SGCD: variants seen among roughly 807,000 people sequenced by gnomAD.
SGCD encodes the protein delta-sarcoglycan.
Under a neutral mutation model 36.6 loss-of-function variants are expected in SGCD, and 18 were observed. The ratio of observed to expected loss-of-function variants is 0.49; its 90% CI spans 0.34 to 0.73. The LOEUF (loss-of-function observed/expected upper bound fraction) is 0.73, where lower values mean the gene tolerates loss of function less well. Ranked by LOEUF, SGCD falls within the 30% of genes least tolerant of loss-of-function variation. SGCD has a pLI of 0.01. For missense variants in SGCD, 387 were observed against 346.7 expected (o/e 1.12, Z -0.92); for synonymous variants, 133 against 130.6 (o/e 1.02, Z -0.12).
intron 1 of SGCD, among the ~76,000 whole-genome samples, chr5:155,962,077 A>G (rs1363036757): frequency 4.6e-5 from 7 of 152,214 alleles, no homozygotes; most frequent in African/African-American, 1.4e-4. Flanking sequence ...TAAATTCCCT[A>G]TATTACAGAT....
chr5:155,820,420 G>C, the SGCD span, among the ~76,000 whole-genome samples: 1 of 152,090 alleles, frequency 6.6e-6, no homozygotes, highest in Admixed American at 6.5e-5. Flanking sequence ...AGCACTTTGG[G>C]AGGCCAAGAG....
chr5:156,474,775 C>G (rs1420166388), intron 3 of SGCD, among the ~76,000 whole-genome samples: 2 of 152,126 alleles, frequency 1.3e-5, no homozygotes, highest in Non-Finnish European at 2.9e-5. Flanking sequence ...CAGTGAGTGC[C>G]AGAGTTAGTT....
chr5:155,973,157 G>A (rs1758040871), intron 1 of SGCD, among the ~76,000 whole-genome samples: 1 of 152,104 alleles, frequency 6.6e-6, no homozygotes, highest in Non-Finnish European at 1.5e-5. Context: ...CCACTCTGAG[G>A]GGAACTTTGC....
chr5:156,543,780 A>G (rs182483951), intron 4 of SGCD, among the ~76,000 whole-genome samples: 2 of 152,362 alleles, frequency 1.3e-5, no homozygotes, highest in East Asian at 3.9e-4. Context: ...CAGAAACCAC[A>G]TTTATGGCTC....
chr5:156,233,141 TA>T (rs1765063812), intron 3 of SGCD, among the ~76,000 whole-genome samples: 1 of 152,244 alleles, frequency 6.6e-6, no homozygotes, highest in Non-Finnish European at 1.5e-5. Flanking sequence ...AGAGCCATGA[TA>T]AAATTTGTAG....
At chr5:156,623,785 G>A (rs1762342927) in intron 6 of SGCD, among the ~76,000 whole-genome samples, 1 of 152,162 alleles carries the variant, frequency 6.6e-6, no homozygotes, top group South Asian at 2.1e-4. Flanking sequence ...GCTGTTAAAT[G>A]CATCTCAGCT....
At chr5:155,991,888 T>C (rs1031191830) in intron 1 of SGCD, among the ~76,000 whole-genome samples, 3 of 152,254 alleles carry the variant, frequency 2.0e-5, no homozygotes, top group Non-Finnish European at 4.4e-5. Flanking sequence ...TATTTCAAAC[T>C]TGCCAAAGGC....
the SGCD span, among the ~76,000 whole-genome samples, chr5:155,864,380 G>A: frequency 6.6e-6 from 1 of 152,134 alleles, no homozygotes; most frequent in Non-Finnish European, 1.5e-5. Context: ...TTATCAGGAA[G>A]GCTGTGGCTA....
chr5:155,823,070 C>A, the SGCD span, among the ~76,000 whole-genome samples: 843 of 94,088 alleles, frequency 9.0e-3, 6 homozygotes, highest in African/African-American at 0.021. Context: ...CTATATCTAT[C>A]TATCTATCTA....
At chr5:156,379,427 G>A (rs966050066) in intron 3 of SGCD, among the ~76,000 whole-genome samples, 9 of 152,144 alleles carry the variant, frequency 5.9e-5, no homozygotes, top group African/African-American at 2.2e-4. Context: ...TGAGGAACAC[G>A]CCATATGGAT....
chr5:156,056,660 A>AC (rs1760072657), intron 1 of SGCD, among the ~76,000 whole-genome samples: 1 of 141,310 alleles, frequency 7.1e-6, no homozygotes. Context: ...AAAAAAAAAA[A>AC]AAAAACAGTC....
intron 3 of SGCD, among the ~76,000 whole-genome samples, chr5:156,373,485 A>G (rs1339495136): frequency 6.6e-6 from 1 of 152,222 alleles, no homozygotes; most frequent in African/African-American, 2.4e-5. Flanking sequence ...GAATTAATTT[A>G]ACAACAGTCT....
intron 3 of SGCD, among the ~76,000 whole-genome samples, chr5:156,202,463 G>A (rs577778223): frequency 2.0e-5 from 3 of 152,250 alleles, no homozygotes; most frequent in Middle Eastern, 3.4e-3. Context: ...CTAATGATAA[G>A]CCTTGCAGTT....
intron 3 of SGCD, among the ~76,000 whole-genome samples, chr5:156,444,179 CCTCT>C (rs141496592): frequency 5.9e-5 from 7 of 119,086 alleles, no homozygotes; most frequent in African/African-American, 2.4e-4. Context: ...TCTCTCCTTC[CCTCT>C]CTCTCTCCTT....
chr5:156,563,213 C>T (rs34000324), intron 4 of SGCD, among the ~76,000 whole-genome samples: 5,398 of 152,168 alleles, frequency 0.035, 157 homozygotes, highest in Non-Finnish European at 0.053. Context: ...ATTTACTGAC[C>T]TCAGGTGATC....
At chr5:155,969,608 G>C (rs1015947654) in intron 1 of SGCD, among the ~76,000 whole-genome samples, 1 of 152,112 alleles carries the variant, frequency 6.6e-6, no homozygotes, top group African/African-American at 2.4e-5. Context: ...TGGAGTCAGA[G>C]CAGCCTATGT....
At chr5:156,007,261 G>A (rs1758777018) in intron 1 of SGCD, among the ~76,000 whole-genome samples, 1 of 152,090 alleles carries the variant, frequency 6.6e-6, no homozygotes, top group Non-Finnish European at 1.5e-5. Context: ...TAAATGTATT[G>A]AGGATAACTC....
At chr5:156,499,937 A>G (rs1225900891) in intron 3 of SGCD, among the ~76,000 whole-genome samples, 2 of 151,686 alleles carry the variant, frequency 1.3e-5, no homozygotes, top group African/African-American at 4.8e-5. Context: ...TCTCAACTTT[A>G]AAAAAAAATT....
the SGCD span, among the ~76,000 whole-genome samples, chr5:155,751,378 C>A: frequency 6.6e-6 from 1 of 152,102 alleles, no homozygotes; most frequent in African/African-American, 2.4e-5. Flanking sequence ...TGATTGTGTG[C>A]GTTTGTGGCA....
Sources: gnomAD v4.1 joint callset for allele counts (sites outside exome capture counted in the v4.1 genomes callset) on GRCh38, gnomAD v4.1.1 for gene constraint, MANE v1.5 for transcripts, NCBI Gene and HGNC (gene_info 2026-07-23, HGNC 2026-07-21) for gene names.